The following ITGA4 variants were observed in gnomAD, a reference collection of about 807,000 sequenced individuals.
The protein encoded by ITGA4 is integrin alpha-4.
In ITGA4, 63 loss-of-function variants were observed where a neutral mutation model predicts 133.6. That is an observed-to-expected ratio of 0.47 (90% CI 0.38 to 0.58). The LOEUF is 0.58. Among genes scored for constraint, ITGA4 ranks in the 20% least tolerant of loss-of-function variants. The pLI, the probability that ITGA4 is intolerant of heterozygous loss-of-function variation, is 0.00. For missense variants in ITGA4, 1,076 were observed against 1,252.7 expected, an observed-to-expected ratio of 0.86 and a Z score of 2.13; for synonymous variants, 483 against 438.0, an observed-to-expected ratio of 1.10 and a Z score of -1.28.
Position 181,534,864 on chromosome 2 carries a change from A to G in ITGA4, c.2932A>G (p.Ile978Val), listed in dbSNP as rs1468477113. ...TCAAAGACCCAAACGTTATTTCACC[A>G]TAGTGATTATTTCAAGTAGCTTGCT... Reference protein sequence around the residue: ...HHQRPKRYFTIVIISSSLLLG... With the variant: ...HHQRPKRYFTVVIISSSLLLG... Residue 978 changes from isoleucine to valine, a missense_variant, in exon 27 of 28, where the codon ATA (isoleucine) becomes GTA (valine). Physicochemically the swap from Ile to Val is conservative, Grantham distance 29 (BLOSUM62 3). Around this residue, in one of 4 missense-constraint regions of ITGA4, gnomAD observed 193 missense variants for 172.3 expected, o/e 1.12. Transcript: ENST00000397033. 1.9e-6 allele frequency: 3 copies of G among 1,601,732 alleles called. No individual in the cohort carries two copies. Among genetic ancestry groups the G allele is most frequent in the Non-Finnish European group, 2.6e-6 (3 of 1,176,060 alleles).
chr2:181,536,754 ATT>A lies in ITGA4; in HGVS notation c.*1229_*1230del, dbSNP rs1687128715. On this transcript the variant is annotated 3_prime_UTR_variant, in exon 28 of 28. Coordinates refer to ENST00000397033, the MANE Select transcript of ITGA4 (RefSeq NM_000885.6). The stretch of plus-strand genomic sequence containing the variant: ...TAAATGACTTTCTGGATTTTAAAAA[ATT>A]TCTTTAAATACAATCATTTTTGTAA... 1 of 246,334 alleles carries A rather than the reference ATT, an allele frequency of 4.1e-6. No homozygotes were observed. The highest frequency in any genetic ancestry group is 2.3e-5 in the African/African-American group (1 of 43,510). The allele number at this position is 246,334 out of a possible 1,614,324, so 15.3% of individuals were successfully genotyped here.
intron 10 of ITGA4, among the ~76,000 whole-genome samples, chr2:181,488,281 T>C (rs1040433785): frequency 2.0e-5 from 3 of 152,128 alleles, no homozygotes; most frequent in African/African-American, 4.8e-5. Context: ...GGAGGTGACT[T>C]TCAGGGGACA....
rs746370183 is a variant in ITGA4, at chr2:181,495,056, A to G, written c.1339+244A>G. ...ACATGAAAGCACTCATGAAAATCAA[A>G]TATATGAGGAAAAGAAAGAAAATTT... On this transcript the variant is annotated intron_variant, in intron 12 of 27. Transcript: ENST00000397033. The surrounding 1 kb of genome is among the most constrained non-coding windows in gnomAD (Gnocchi z 4.3). Among the ~76,000 whole-genome samples the G allele has an allele frequency of 3.3e-5, 5 of 152,214 alleles. No homozygotes were observed. The highest frequency in any genetic ancestry group is 7.3e-5 in the Non-Finnish European group (5 of 68,030).
chr2:181,494,300 T>C (rs1028554723), intron 11 of ITGA4, among the ~76,000 whole-genome samples: 3 of 152,052 alleles, frequency 2.0e-5, no homozygotes, highest in South Asian at 2.1e-4. Flanking sequence ...AGGAAGTAAA[T>C]AGAGAGCCTG....
chr2:181,523,815 C>A lies in ITGA4; in HGVS notation c.2169+283C>A, dbSNP rs993847691. On this transcript the variant is annotated intron_variant, in intron 19 of 27. Coordinates refer to ENST00000397033, the MANE Select transcript of ITGA4 (RefSeq NM_000885.6). This position sits in a 1 kb window ranked among gnomAD's most constrained non-coding sequence, Gnocchi z 4.2. ...ACACCCTTCCCGAAAACCCCCACCCCCACCGCAGGTGGTCCTGTCTGCCAG... is the reference window on the plus strand; with the variant it reads ...ACACCCTTCCCGAAAACCCCCACCCACACCGCAGGTGGTCCTGTCTGCCAG... Among the ~76,000 whole-genome samples the A allele has an allele frequency of 6.6e-6, 1 of 152,152 alleles. No individual in the cohort carries two copies. The highest frequency in any genetic ancestry group is 1.5e-5 in the Non-Finnish European group (1 of 68,034).
At chr2:181,494,921 AT>A (rs928891471) in intron 12 of ITGA4, 109 bp downstream of exon 12, 40 of 651,198 alleles carry the variant, frequency 6.1e-5, no homozygotes, top group East Asian at 2.1e-4. Context: ...CTTACTGATA[AT>A]TTTTTTTCTT....
At chr2:181,492,801 A>G (rs1170401011) in intron 10 of ITGA4, among the ~76,000 whole-genome samples, 2 of 152,208 alleles carry the variant, frequency 1.3e-5, no homozygotes, top group Non-Finnish European at 2.9e-5. Flanking sequence ...TTGGAATAGG[A>G]ATTAAAAGTC....
chr2:181,495,715 A>G lies in ITGA4; in HGVS notation c.1386-68A>G. ...CTTGGTGAATGTAAACTGAAAAAAC[A>G]AACGCATTTCTCTCCTTAAGGAAAA... On this transcript the variant is annotated intron_variant, in intron 13 of 27. Transcript: ENST00000397033. The surrounding 1 kb of genome is among the most constrained non-coding windows in gnomAD (Gnocchi z 4.3). 7.2e-7 allele frequency: 1 copy of G among 1,394,592 alleles called. No individual in the cohort carries two copies. The allele number at this position is 1,394,592 out of a possible 1,614,324, so 86.4% of individuals were successfully genotyped here. A position where few individuals can be genotyped will look rare whatever the true frequency, so the allele number is the denominator to read the frequency against.
intron 2 of ITGA4, among the ~76,000 whole-genome samples, chr2:181,469,591 A>G (rs966769248): frequency 3.3e-5 from 5 of 152,258 alleles, no homozygotes; most frequent in Non-Finnish European, 7.3e-5. Context: ...ATTATAAATC[A>G]TGCTGCTATA....
rs549582640 is a variant in ITGA4 at position 181,499,603 on chromosome 2, A to C, written c.1695+826A>C. 8.5e-5 allele frequency among the ~76,000 whole-genome samples: 13 copies of C among 152,312 alleles called. 1 individual carries two copies. Among genetic ancestry groups the C allele is most frequent in the African/African-American group, 3.1e-4 (13 of 41,576 alleles). ...TTCCAAGCAAATGCAAGCAAGCATC[A>C]AGACTCCAATACGCTATTAAATGCT... On this transcript the variant is annotated intron_variant, in intron 15 of 27. Coordinates refer to ENST00000397033, the MANE Select transcript of ITGA4 (RefSeq NM_000885.6).
intron 6 of ITGA4, 138 bp downstream of exon 6, chr2:181,480,404 GTCT>G: frequency 2.3e-6 from 1 of 427,526 alleles, no homozygotes; most frequent in Non-Finnish European, 4.1e-6. Flanking sequence ...TTCAGAAACT[GTCT>G]CTTAAGGATA....
intron 15 of ITGA4, among the ~76,000 whole-genome samples, chr2:181,500,047 G>A (rs1212707578): frequency 6.6e-6 from 1 of 152,146 alleles, no homozygotes; most frequent in Admixed American, 6.6e-5. Context: ...ATGTATATTT[G>A]TAGTGTTACC....
rs756343512 is a variant in ITGA4, at chr2:181,535,546, GAGAATGGAAAACA to G, written c.*20_*32del. On this transcript the variant is annotated 3_prime_UTR_variant, in exon 28 of 28. Transcript: ENST00000397033. ...TGATTAAGGACTTCTTTCAAATTGA[GAGAATGGAAAACA>G]GACTCAGGTTGTAGTAAAGAAATTT... The G allele has an allele frequency of 3.2e-6, 5 of 1,583,770 alleles. No individual in the cohort carries two copies. In the South Asian group the frequency reaches 3.5e-5, roughly 11 times the overall value.
chr2:181,457,863 T>G lies in ITGA4; in HGVS notation c.197+12T>G, dbSNP rs372915394. 7 of 1,602,412 alleles carry G rather than the reference T, an allele frequency of 4.4e-6. No individual in the cohort carries two copies. The African/African-American group carries it at 6.7e-5, about 15-fold the overall frequency. On this transcript the variant is annotated intron_variant, in intron 1 of 27. Coordinates refer to ENST00000397033, the MANE Select transcript of ITGA4 (RefSeq NM_000885.6). ...GGGGCGAACCGATGGTGAGTAGAGT[T>G]GGACTGATGCGCCCTCAGCAGCTCA...
chr2:181,533,310 T>A (rs1686983872), intron 25 of ITGA4, among the ~76,000 whole-genome samples: 1 of 152,206 alleles, frequency 6.6e-6, no homozygotes, highest in African/African-American at 2.4e-5. Context: ...AAGAGGAAGA[T>A]ACACTAGACA....
intron 17 of ITGA4, among the ~76,000 whole-genome samples, chr2:181,521,223 A>T (rs967433301): frequency 2.0e-5 from 3 of 152,162 alleles, no homozygotes; most frequent in African/African-American, 7.2e-5. Context: ...GGGAAAGTTT[A>T]TAAAATGACA....
chr2:181,483,648 G>A lies in ITGA4; in HGVS notation c.1041+997G>A, dbSNP rs148316118. 7.9e-4 allele frequency among the ~76,000 whole-genome samples: 121 copies of A among 152,214 alleles called. 1 individual carries two copies. In the East Asian group the frequency reaches 0.021, roughly 26 times the overall value. On this transcript the variant is annotated intron_variant, in intron 9 of 27. Transcript: ENST00000397033. ...GAGCAGGGAAGTTATTTATGCTTTG[G>A]TATTTCCTACACTGTATTTAACCTA...
intron 2 of ITGA4, among the ~76,000 whole-genome samples, chr2:181,466,758 AC>A (rs1458492211): frequency 2.0e-5 from 3 of 152,136 alleles, no homozygotes; most frequent in African/African-American, 7.2e-5. Context: ...AAAAGGAAAA[AC>A]TAAATTAAGG....
intron 2 of ITGA4, among the ~76,000 whole-genome samples, chr2:181,471,064 C>T (rs1685538610): frequency 6.6e-6 from 1 of 152,062 alleles, no homozygotes; most frequent in South Asian, 2.1e-4. Flanking sequence ...GGAAACATAT[C>T]TAAATGTAGT....
Sources: gnomAD v4.1 joint callset for allele counts (sites outside exome capture counted in the v4.1 genomes callset) on GRCh38, gnomAD v4.1.1 for gene constraint, gnomAD v4.1.1 regional missense constraint, Gnocchi (gnomAD v3.1) non-coding constraint, MANE v1.5 for transcripts, NCBI Gene and HGNC (gene_info 2026-07-23, HGNC 2026-07-21) for gene names.